The following NDUFS4 variants were observed in gnomAD, a reference collection of about 807,000 sequenced individuals.
The protein encoded by NDUFS4 is NADH dehydrogenase [ubiquinone] iron-sulfur protein 4, mitochondrial.
Under a neutral mutation model 24.3 loss-of-function variants are expected in NDUFS4, and 28 were observed. The observed-to-expected ratio is 1.15, with a 90% CI of 0.85 to 1.58. The LOEUF (loss-of-function observed/expected upper bound fraction) is 1.58, where lower values mean the gene tolerates loss of function less well. Ranked by LOEUF, NDUFS4 falls within the 40% of genes most tolerant of loss-of-function variation. The probability of loss-of-function intolerance (pLI) is 0.00; values close to 1 mark genes in which losing one functional copy is unlikely to be tolerated. For missense variants in NDUFS4, 223 were observed against 207.9 expected, an observed-to-expected ratio of 1.07 and a Z score of -0.45; for synonymous variants, 93 against 69.7, an observed-to-expected ratio of 1.34 and a Z score of -1.67.
chr5:53,592,208 T>C (rs1749989706), intron 1 of NDUFS4, among the ~76,000 whole-genome samples: 1 of 152,152 alleles, frequency 6.6e-6, no homozygotes, highest in Non-Finnish European at 1.5e-5. Context: ...CGCCTCGGCC[T>C]CCCAAAGTGC....
At chr5:53,626,554 C>A (rs977247940) in intron 2 of NDUFS4, among the ~76,000 whole-genome samples, 1 of 152,170 alleles carries the variant, frequency 6.6e-6, no homozygotes, top group African/African-American at 2.4e-5. Context: ...TGTTTCCTGA[C>A]ATTTTAATGA....
intron 4 of NDUFS4, among the ~76,000 whole-genome samples, chr5:53,666,128 C>G (rs1164331701): frequency 6.6e-6 from 1 of 152,138 alleles, no homozygotes; most frequent in Non-Finnish European, 1.5e-5. Flanking sequence ...TAACATTACT[C>G]TCTTTGTGAA....
Position 53,560,668 on chromosome 5 carries a change from G to A in NDUFS4, c.6G>A (p.Ala2=). M[A]AVSMSVVLRQ... ...TGGCGTTTGCCTGCAGCAAGATGGCGGCGGTGTCAATGTCAGTGGTACTGA... is the reference window on the plus strand; with the variant it reads ...TGGCGTTTGCCTGCAGCAAGATGGCAGCGGTGTCAATGTCAGTGGTACTGA... Residue 2 remains alanine (A), a synonymous_variant, in exon 1 of 5, where the codon GCG becomes GCA. Coordinates refer to ENST00000296684, the MANE Select transcript of NDUFS4 (RefSeq NM_002495.4). 2.5e-6 allele frequency: 4 copies of A among 1,614,240 alleles called. No individual in the cohort carries two copies. The highest frequency in any genetic ancestry group is 1.1e-5 in the South Asian group (1 of 91,090).
intron 4 of NDUFS4, among the ~76,000 whole-genome samples, chr5:53,679,416 T>C (rs1013326435): frequency 6.6e-6 from 1 of 152,268 alleles, no homozygotes; most frequent in Middle Eastern, 3.4e-3. Flanking sequence ...CTATTTATGT[T>C]GTTATCACCA....
At chr5:53,610,146 A>G (rs1750651597) in intron 2 of NDUFS4, among the ~76,000 whole-genome samples, 1 of 152,052 alleles carries the variant, frequency 6.6e-6, no homozygotes, top group Non-Finnish European at 1.5e-5. Context: ...TCATTTCTAA[A>G]TTTTTACTTA....
intron 1 of NDUFS4, among the ~76,000 whole-genome samples, chr5:53,593,551 G>A (rs1750040161): frequency 6.8e-6 from 1 of 147,992 alleles, no homozygotes; most frequent in Non-Finnish European, 1.5e-5. Context: ...TTTCATTGAT[G>A]TTTACTATAA....
At chr5:53,595,878 C>T (rs1025917571) in intron 1 of NDUFS4, among the ~76,000 whole-genome samples, 52 of 152,216 alleles carry the variant, frequency 3.4e-4, no homozygotes, top group African/African-American at 1.2e-3. Flanking sequence ...GAAAAATAAT[C>T]CTTACTTTTT....
At chr5:53,586,877 G>A (rs928902481) in intron 1 of NDUFS4, among the ~76,000 whole-genome samples, 1 of 152,032 alleles carries the variant, frequency 6.6e-6, no homozygotes, top group Non-Finnish European at 1.5e-5. Context: ...AGGCAGGAGT[G>A]CATTGGCACA....
At chr5:53,606,363 A>T (rs1378615243) in intron 2 of NDUFS4, among the ~76,000 whole-genome samples, 1 of 152,070 alleles carries the variant, frequency 6.6e-6, no homozygotes, top group East Asian at 1.9e-4. Flanking sequence ...ATCATATGAC[A>T]AAAGCAGGTG....
chr5:53,671,100 A>G (rs1424028561), intron 4 of NDUFS4, among the ~76,000 whole-genome samples: 2 of 152,052 alleles, frequency 1.3e-5, no homozygotes, highest in East Asian at 1.9e-4. Flanking sequence ...GGGACGTACT[A>G]TATACCTATA....
intron 3 of NDUFS4, among the ~76,000 whole-genome samples, chr5:53,656,605 G>A (rs1752166642): frequency 6.6e-6 from 1 of 152,196 alleles, no homozygotes; most frequent in African/African-American, 2.4e-5. Context: ...AACCTGATTT[G>A]ACTAGTTGGT....
chr5:53,673,410 A>G (rs1740348918), intron 4 of NDUFS4, among the ~76,000 whole-genome samples: 1 of 152,084 alleles, frequency 6.6e-6, no homozygotes, highest in African/African-American at 2.4e-5. Context: ...TACATTTAGG[A>G]TTCAGTTTTG....
chr5:53,628,209 C>G (rs1264827450), intron 2 of NDUFS4, among the ~76,000 whole-genome samples: 1 of 152,160 alleles, frequency 6.6e-6, no homozygotes, highest in Non-Finnish European at 1.5e-5. Context: ...GTTGAACCAG[C>G]CTTGCATCCC....
chr5:53,624,172 A>C (rs1313155631), intron 2 of NDUFS4, among the ~76,000 whole-genome samples: 1 of 152,132 alleles, frequency 6.6e-6, no homozygotes, highest in African/African-American at 2.4e-5. Flanking sequence ...TTGGCTATAT[A>C]TGCAAGGGTT....
chr5:53,675,348 G>C (rs1740429318), intron 4 of NDUFS4, among the ~76,000 whole-genome samples: 1 of 151,734 alleles, frequency 6.6e-6, no homozygotes, highest in Admixed American at 6.6e-5. Flanking sequence ...ATTTTTAGTA[G>C]AGACGGGGTT....
intron 1 of NDUFS4, among the ~76,000 whole-genome samples, chr5:53,560,988 T>C (rs1748822056): frequency 6.6e-6 from 1 of 152,178 alleles, no homozygotes; most frequent in Admixed American, 6.5e-5. Context: ...TTCTGGAAGC[T>C]TTCGTATTCG....
chr5:53,623,779 C>T (rs1222667805), intron 2 of NDUFS4, among the ~76,000 whole-genome samples: 2 of 152,058 alleles, frequency 1.3e-5, no homozygotes, highest in African/African-American at 4.8e-5. Context: ...AGTGCAGTGG[C>T]GCAATCTCGG....
intron 4 of NDUFS4, among the ~76,000 whole-genome samples, chr5:53,666,036 T>C (rs528937597): frequency 1.3e-5 from 2 of 152,230 alleles, no homozygotes; most frequent in Non-Finnish European, 2.9e-5. Context: ...TCCTTACTTA[T>C]ACTTTCTTGG....
chr5:53,620,324 A>G (rs936516967), intron 2 of NDUFS4, among the ~76,000 whole-genome samples: 1 of 152,178 alleles, frequency 6.6e-6, no homozygotes, highest in Non-Finnish European at 1.5e-5. Context: ...GATAAATACC[A>G]TATATCTAAG....
Sources: allele counts gnomAD v4.1 joint callset (sites outside exome capture counted in the v4.1 genomes callset), GRCh38; gene constraint gnomAD v4.1.1; transcripts MANE v1.5; gene names NCBI Gene and HGNC (gene_info 2026-07-23, HGNC 2026-07-21).